Variants in TMPRSS11D observed in about 807,000 individuals in gnomAD.
TMPRSS11D encodes transmembrane serine protease 11D, also known as transmembrane protease serine 11D.
TMPRSS11D carries 32 observed loss-of-function variants against 44.4 expected under a neutral mutation model. The ratio of observed to expected loss-of-function variants is 0.72; its 90% CI spans 0.54 to 0.97. TMPRSS11D has a LOEUF of 0.97. Ranked by LOEUF, TMPRSS11D falls within the 50% of genes least tolerant of loss-of-function variation. The pLI is 0.00. For synonymous variants in TMPRSS11D, 179 were observed against 177.9 expected (o/e 1.01, Z -0.05); for missense variants, 446 against 502.6 (o/e 0.89, Z 1.08).
Position 67,838,328 on chromosome 4 carries a change from G to C in TMPRSS11D, c.319C>G (p.Gln107Glu), listed in dbSNP as rs1265942523. The C allele has an allele frequency of 4.5e-6, 7 of 1,546,960 alleles. No homozygotes were observed. The highest frequency in any genetic ancestry group is 6.1e-6 in the Non-Finnish European group (7 of 1,151,526). The change falls in exon 5 of 10, where the codon CAA becomes GAA. Residue 107 changes from glutamine to glutamate, a missense_variant and splice_region_variant. Gln to Glu is a conservative substitution (Grantham distance 29, BLOSUM62 2). Coordinates refer to ENST00000283916, the MANE Select transcript of TMPRSS11D (RefSeq NM_004262.3). ...TCCGCTCTCACACCACTACCATCTT[G>C]CCTGTAAATCATAAAGATATTTTAA... is the stretch of plus-strand genomic sequence containing the variant. ...FIRAHVAKLR[Q>E]DGSGVRADVV...
chr4:67,845,823 AT>A (rs1344698078), intron 3 of TMPRSS11D, among the ~76,000 whole-genome samples: 3 of 152,280 alleles, frequency 2.0e-5, no homozygotes, highest in African/African-American at 7.2e-5. Context: ...AAGTTATGGC[AT>A]GTGTAAGAAA....
At chr4:67,847,134 C>T (rs561598607) in intron 3 of TMPRSS11D, among the ~76,000 whole-genome samples, 31 of 152,282 alleles carry the variant, frequency 2.0e-4, no homozygotes, top group African/African-American at 7.2e-4. Flanking sequence ...GAACTCCTGA[C>T]CTCAGATGAT....
At position 67,825,806 on chromosome 4, in the gene TMPRSS11D, G is replaced by C. The variant is rs528745462; in HGVS notation, c.1021C>G (p.His341Asp). ...GACAAGATGGCTCCATTATAACTAT[G>C]TGGTGCATTACATACATCATTACTT... ...IISNDVCNAP[H>D]SYNGAILSGM... The change falls in exon 9 of 10, where the codon CAT becomes GAT. Residue 341 changes from histidine (H) to aspartate (D), a missense_variant. By Grantham distance (81) the His-to-Asp change is moderately conservative. Coordinates refer to ENST00000283916, the MANE Select transcript of TMPRSS11D (RefSeq NM_004262.3). The C allele has an allele frequency of 6.2e-7, 1 of 1,613,222 alleles. No homozygotes were observed. The highest frequency in any genetic ancestry group is 8.5e-7 in the Non-Finnish European group (1 of 1,179,478).
Position 67,833,342 on chromosome 4 carries a change from T to G in TMPRSS11D, c.554A>C (p.Gln185Pro). The change falls in exon 7 of 10, where the codon CAG (glutamine) becomes CCG (proline). Residue 185 changes from glutamine (Q) to proline (P), a missense_variant. Gln to Pro is a moderately conservative substitution (Grantham distance 76). Coordinates refer to ENST00000283916, the MANE Select transcript of TMPRSS11D (RefSeq NM_004262.3). ...AGCCTCAGTGCCTCCAAGGATTCTCTGCTCAGACAATGTTATTAGGTCTGG... is the reference window on the plus strand; with the variant it reads ...AGCCTCAGTGCCTCCAAGGATTCTCGGCTCAGACAATGTTATTAGGTCTGG... ...AGPDLITLSE[Q>P]RILGGTEAEE... The G allele has an allele frequency of 6.3e-7, 1 of 1,587,754 alleles. No homozygotes were observed. Among genetic ancestry groups the G allele is most frequent in the Non-Finnish European group, 8.6e-7 (1 of 1,167,790 alleles).
At chr4:67,827,026 C>T (rs1482772620) in intron 8 of TMPRSS11D, among the ~76,000 whole-genome samples, 1 of 152,044 alleles carries the variant, frequency 6.6e-6, no homozygotes, top group Non-Finnish European at 1.5e-5. Context: ...GTCTTCATAA[C>T]TTTCTTTTAC....
intron 3 of TMPRSS11D, among the ~76,000 whole-genome samples, chr4:67,851,869 C>T (rs1718518292): frequency 6.6e-6 from 1 of 152,220 alleles, no homozygotes; most frequent in African/African-American, 2.4e-5. Flanking sequence ...CCTTTCCTCT[C>T]TATTCCCTGG....
intron 5 of TMPRSS11D, among the ~76,000 whole-genome samples, chr4:67,836,732 T>C (rs551433255): frequency 6.6e-6 from 1 of 152,262 alleles, no homozygotes; most frequent in South Asian, 2.1e-4. Flanking sequence ...TAAAAAACAG[T>C]AAGTTCTCAT....
chr4:67,855,366 C>T (rs1411609332), intron 2 of TMPRSS11D, among the ~76,000 whole-genome samples: 3 of 151,896 alleles, frequency 2.0e-5, no homozygotes, highest in Admixed American at 1.3e-4. Context: ...TAATATACCA[C>T]AATCAACTGG....
chr4:67,877,859 T>C (rs1260319449), intron 1 of TMPRSS11D, among the ~76,000 whole-genome samples: 4 of 152,144 alleles, frequency 2.6e-5, no homozygotes, highest in Admixed American at 6.6e-5. Context: ...CTCCAACTAG[T>C]CTCCCTTCAT....
At chr4:67,831,997 C>A (rs1717957553) in intron 7 of TMPRSS11D, among the ~76,000 whole-genome samples, 1 of 151,996 alleles carries the variant, frequency 6.6e-6, no homozygotes, top group Non-Finnish European at 1.5e-5. Context: ...GCCTATAAAT[C>A]TGAAAAAACT....
intron 3 of TMPRSS11D, among the ~76,000 whole-genome samples, chr4:67,843,036 T>C (rs938674970): frequency 1.3e-5 from 2 of 151,330 alleles, no homozygotes; most frequent in Non-Finnish European, 2.9e-5. Flanking sequence ...TGAAACCTGA[T>C]TAAACCAGAC....
At chr4:67,867,846 G>A (rs371964361) in intron 1 of TMPRSS11D, among the ~76,000 whole-genome samples, 189 of 152,214 alleles carry the variant, frequency 1.2e-3, no homozygotes, top group African/African-American at 4.4e-3. Context: ...CAGAGAAAAG[G>A]GAACACTTAC....
chr4:67,840,687 C>T (rs1419621491), intron 4 of TMPRSS11D, among the ~76,000 whole-genome samples: 3 of 152,174 alleles, frequency 2.0e-5, no homozygotes, highest in Admixed American at 2.0e-4. Context: ...TTGTTTGTAA[C>T]ACAAAGGATA....
At chr4:67,832,068 T>G (rs1717958923) in intron 7 of TMPRSS11D, among the ~76,000 whole-genome samples, 1 of 152,148 alleles carries the variant, frequency 6.6e-6, no homozygotes, top group Admixed American at 6.6e-5. Flanking sequence ...TATATTAACA[T>G]TTCAAGGATA....
At chr4:67,838,888 G>T (rs183340141) in intron 4 of TMPRSS11D, 4 of 151,994 alleles carry the variant, frequency 2.6e-5, no homozygotes, top group Non-Finnish European at 5.9e-5. Flanking sequence ...AACTTTTGTC[G>T]TATATTAAGA....
chr4:67,874,059 C>T (rs58480999), intron 1 of TMPRSS11D, among the ~76,000 whole-genome samples: 36,083 of 151,928 alleles, frequency 0.24, 4,630 homozygotes, highest in African/African-American at 0.32. Flanking sequence ...TTTTTATATT[C>T]AGATATGTGT....
intron 1 of TMPRSS11D, among the ~76,000 whole-genome samples, chr4:67,882,293 C>T (rs940910468): frequency 5.9e-5 from 9 of 152,122 alleles, no homozygotes; most frequent in Non-Finnish European, 1.2e-4. Flanking sequence ...GTATATTGTA[C>T]AATTTAATTT....
At chr4:67,839,151 A>G (rs182364596) in intron 4 of TMPRSS11D, 13 of 152,264 alleles carry the variant, frequency 8.5e-5, no homozygotes, top group Admixed American at 3.3e-4. Flanking sequence ...CTAACTTAAT[A>G]TTCATTCCAG....
intron 1 of TMPRSS11D, among the ~76,000 whole-genome samples, chr4:67,868,202 A>C (rs1406826485): frequency 6.6e-6 from 1 of 152,084 alleles, no homozygotes; most frequent in Non-Finnish European, 1.5e-5. Flanking sequence ...AACAACTCAG[A>C]AACAAAAAGT....
Sources: gnomAD v4.1 joint callset for allele counts (sites outside exome capture counted in the v4.1 genomes callset) on GRCh38, gnomAD v4.1.1 for gene constraint, MANE v1.5 for transcripts, NCBI Gene and HGNC (gene_info 2026-07-23, HGNC 2026-07-21) for gene names.